The following FLNB variants were observed in gnomAD, a reference collection of about 807,000 sequenced individuals.
The protein encoded by FLNB is filamin B.
Under a neutral mutation model 250.6 loss-of-function variants are expected in FLNB, and 111 were observed. The observed-to-expected ratio is 0.44, with a 90% CI of 0.38 to 0.52. The LOEUF (loss-of-function observed/expected upper bound fraction) is 0.52. FLNB is among the 20% of genes least tolerant of loss of function. FLNB has a pLI of 0.00. For synonymous variants in FLNB, 1,302 were observed against 1,372.1 expected, an observed-to-expected ratio of 0.95 and a Z score of 1.13; for missense variants, 2,869 against 3,447.8, an observed-to-expected ratio of 0.83 and a Z score of 4.20.
chr3:58,142,761 T>A lies in FLNB; in HGVS notation c.5284+9T>A. On this transcript the variant is annotated intron_variant, in intron 31 of 45. Coordinates refer to ENST00000295956, the MANE Select transcript of FLNB (RefSeq NM_001457.4). The surrounding 1 kb of genome is among the most constrained non-coding windows in gnomAD (Gnocchi z 4.3). ...GAAAGGAGAAATCACTGGTAAGCACTTGCCATAAAGGCCGTCTCATTCTCA... is the reference window on the plus strand; with the variant it reads ...GAAAGGAGAAATCACTGGTAAGCACATGCCATAAAGGCCGTCTCATTCTCA... The A allele has an allele frequency of 6.2e-7, 1 of 1,611,436 alleles. No individual in the cohort carries two copies.
intron 1 of FLNB, among the ~76,000 whole-genome samples, chr3:58,075,279 A>G (rs2097200136): frequency 6.6e-6 from 1 of 152,106 alleles, no homozygotes; most frequent in South Asian, 2.1e-4. Context: ...TAGTTCTGGA[A>G]TGAGGTGGGA....
rs1225866664 is a variant in FLNB, at chr3:58,150,014, C to T, written c.6244+12C>T. 8.1e-6 allele frequency: 13 copies of T among 1,614,160 alleles called. No homozygotes were observed. The highest frequency in any genetic ancestry group is 9.3e-6 in the Non-Finnish European group (11 of 1,180,054). On this transcript the variant is annotated intron_variant, in intron 37 of 45. Transcript: ENST00000295956. ...CGAGCACGTGCCTGGTATGTGCATT[C>T]CATTCCCCTCCAGGTGGGATGCTTG... is the stretch of plus-strand genomic sequence containing the variant.
At chr3:58,029,758 C>G (rs1248654495) in intron 1 of FLNB, among the ~76,000 whole-genome samples, 2 of 151,838 alleles carry the variant, frequency 1.3e-5, no homozygotes, top group African/African-American at 4.8e-5. Flanking sequence ...ACCCCCCCGA[C>G]CTCCCCGGCC....
At chr3:58,074,697 G>C (rs1456318645) in intron 1 of FLNB, among the ~76,000 whole-genome samples, 1 of 152,212 alleles carries the variant, frequency 6.6e-6, no homozygotes, top group Non-Finnish European at 1.5e-5. Flanking sequence ...GGATGTTGGT[G>C]TGAAGTTCTT....
At chr3:58,011,007 C>T (rs1258051066) in intron 1 of FLNB, among the ~76,000 whole-genome samples, 7 of 152,130 alleles carry the variant, frequency 4.6e-5, no homozygotes, top group Non-Finnish European at 1.0e-4. Context: ...CTCCACCTCC[C>T]GGGTTCAAGC....
chr3:58,140,513 A>G (rs1288227990), intron 29 of FLNB, among the ~76,000 whole-genome samples: 4 of 152,200 alleles, frequency 2.6e-5, no homozygotes, highest in Non-Finnish European at 5.9e-5. Flanking sequence ...CTTCCTCTGT[A>G]GGAGAGGGCT....
intron 35 of FLNB, 133 bp downstream of exon 35, chr3:58,148,497 T>TA: frequency 1.6e-6 from 2 of 1,255,276 alleles, no homozygotes; most frequent in Non-Finnish European, 2.3e-6. Context: ...ACACGCACGA[T>TA]AAATGCCCAA....
At position 58,169,445 on chromosome 3, in the gene FLNB, G is replaced by A; in HGVS notation, c.7418-145G>A. ...CCTAGGGGTTTAGAAGACATTATGG[G>A]TGTGAGATACAGGTGTGGTGGCTTT... is the stretch of plus-strand genomic sequence containing the variant. On this transcript the variant is annotated intron_variant, in intron 44 of 45. Transcript: ENST00000295956. This position sits in a 1 kb window ranked among gnomAD's most constrained non-coding sequence, Gnocchi z 4.8. The A allele has an allele frequency of 1.4e-6, 1 of 717,900 alleles. No homozygotes were observed. The highest frequency in any genetic ancestry group is 2.6e-6 in the Non-Finnish European group (1 of 391,660). The allele number at this position is 717,900 out of a possible 1,614,324, so 44.5% of individuals were successfully genotyped here. A position where few individuals can be genotyped will look rare whatever the true frequency, so the allele number is the denominator to read the frequency against.
chr3:58,123,379 C>G lies in FLNB; in HGVS notation c.3413C>G (p.Ala1138Gly). 1 of 1,614,184 alleles carries G rather than the reference C, an allele frequency of 6.2e-7. No individual in the cohort carries two copies. The highest frequency in any genetic ancestry group is 8.5e-7 in the Non-Finnish European group (1 of 1,180,022). ...EMPFDPSKVV[A>G]SGPGLEHGKV... ...CCCTTTGACCCCTCTAAAGTCGTGG[C>G]ATCGGGGCCAGGTCTCGAGCACGGG... The change falls in exon 21 of 46, where the codon GCA becomes GGA. Residue 1138 changes from alanine (A) to glycine (G), a missense_variant. Physicochemically the swap from Ala to Gly is moderately conservative, Grantham distance 60 (BLOSUM62 0). Around this residue, in one of 5 missense-constraint regions of FLNB, gnomAD observed 1,348 missense variants for 1,466.7 expected, o/e 0.92. Transcript: ENST00000295956.
In FLNB at chr3:58,088,038, C is replaced by CTT. The variant is rs56009116; in HGVS notation, c.787+6283_787+6284dup. Among the ~76,000 whole-genome samples the CTT allele has an allele frequency of 8.3e-3, 698 of 84,428 alleles. 5 individuals are homozygous for CTT. Among genetic ancestry groups the CTT allele is most frequent in the Middle Eastern group, 0.015 (1 of 68 alleles). 55.4% of individuals were successfully genotyped at this position (84,428 alleles called of 152,430 possible). ...ACAGGTGTGAACCACGGCGCCCAGCCTTTTTTTTTTTTTTTTTTTTTTGCT... is the reference window on the plus strand; with the variant it reads ...ACAGGTGTGAACCACGGCGCCCAGCCTTTTTTTTTTTTTTTTTTTTTTTTGCT... On this transcript the variant is annotated intron_variant, in intron 4 of 45. Coordinates refer to ENST00000295956, the MANE Select transcript of FLNB (RefSeq NM_001457.4).
intron 14 of FLNB, 39 bp downstream of exon 14, chr3:58,109,361 T>C (rs939277238): frequency 6.3e-7 from 1 of 1,599,568 alleles, no homozygotes; most frequent in African/African-American, 1.3e-5. Flanking sequence ...TTTATGGAAA[T>C]GCCTGGTCAT....
In FLNB at chr3:58,151,033, C is replaced by T. The variant is rs145357330; in HGVS notation, c.6367+806C>T. On this transcript the variant is annotated intron_variant, in intron 38 of 45. Coordinates refer to ENST00000295956, the MANE Select transcript of FLNB (RefSeq NM_001457.4). ...GGTTCTTCTTGTGTAGTCACATCAA[C>T]GTCGGGTCACATGGGAATGTGGTAA... The T allele has an allele frequency of 8.4e-3, 1,281 of 152,658 alleles. 20 individuals are homozygous for T. The highest frequency in any genetic ancestry group is 9.3e-3 in the Non-Finnish European group (639 of 68,414). The allele number at this position is 152,658 out of a possible 1,614,324, so 9.5% of individuals were successfully genotyped here.
At chr3:58,137,721 C>T (rs1045131376) in intron 28 of FLNB, among the ~76,000 whole-genome samples, 1 of 152,210 alleles carries the variant, frequency 6.6e-6, no homozygotes, top group Non-Finnish European at 1.5e-5. Flanking sequence ...ACCCATCCTT[C>T]AGGGTTCAGC....
rs1157652143 is a variant in FLNB, at chr3:58,105,200, T to C, written c.1731T>C (p.Ser577=). Residue 577 remains serine (S), a synonymous_variant, in exon 11 of 46, where the codon TCT becomes TCC. Transcript: ENST00000295956. ...ACTTCGTGGTAGAATCCATTGGCTC[T>C]GAAGTGGGGTCTCTGGGTAAGTGGA... ...SADFVVESIG[S]EVGSLGFAIE... 1.2e-6 allele frequency: 2 copies of C among 1,614,210 alleles called. No homozygotes were observed. Among genetic ancestry groups the C allele is most frequent in the Non-Finnish European group, 1.7e-6 (2 of 1,180,024 alleles).
chr3:58,013,354 G>C (rs1056196453), intron 1 of FLNB, among the ~76,000 whole-genome samples: 1 of 152,196 alleles, frequency 6.6e-6, no homozygotes, highest in Non-Finnish European at 1.5e-5. Context: ...CCAAGACTTC[G>C]GGTCACTAGG....
chr3:58,117,282 T>C (rs1175343636), intron 18 of FLNB, among the ~76,000 whole-genome samples: 3 of 152,164 alleles, frequency 2.0e-5, no homozygotes, highest in African/African-American at 7.2e-5. Flanking sequence ...TCCGAGATTT[T>C]TTCCCTCCCC....
chr3:58,135,108 A>G (rs1442991178), intron 27 of FLNB, among the ~76,000 whole-genome samples: 3 of 151,894 alleles, frequency 2.0e-5, no homozygotes, highest in East Asian at 3.9e-4. Context: ...GCCTGCCTCA[A>G]CCTCCCAAAG....
intron 1 of FLNB, among the ~76,000 whole-genome samples, chr3:58,039,785 G>A (rs1242132337): frequency 1.3e-5 from 2 of 152,154 alleles, no homozygotes; most frequent in Admixed American, 6.5e-5. Flanking sequence ...CATGGGTGGT[G>A]GGGAGGGTAG....
intron 9 of FLNB, among the ~76,000 whole-genome samples, chr3:58,103,276 G>GTA (rs2097254058): frequency 6.6e-6 from 1 of 151,714 alleles, no homozygotes; most frequent in South Asian, 2.1e-4. Context: ...GTGTGTGTGT[G>GTA]TGTGTGTGTG....
Sources: allele counts gnomAD v4.1 joint callset (sites outside exome capture counted in the v4.1 genomes callset), GRCh38; gene constraint gnomAD v4.1.1; regional missense constraint gnomAD v4.1.1; non-coding constraint Gnocchi (gnomAD v3.1); transcripts MANE v1.5; gene names NCBI Gene and HGNC (gene_info 2026-07-23, HGNC 2026-07-21).